The following AMOTL1 variants were observed in gnomAD, a reference collection of about 807,000 sequenced individuals.
AMOTL1 encodes the protein angiomotin like 1.
AMOTL1 carries 45 observed loss-of-function variants against 102.9 expected under a neutral mutation model. That is an observed-to-expected ratio of 0.44 (90% CI 0.34 to 0.56). AMOTL1 has a LOEUF of 0.56. AMOTL1 is among the 20% of genes least tolerant of loss of function. The pLI, the probability that AMOTL1 is intolerant of heterozygous loss-of-function variation, is 0.01. For missense variants in AMOTL1, 1,114 were observed against 1,225.6 expected, an observed-to-expected ratio of 0.91 and a Z score of 1.36; for synonymous variants, 481 against 484.7, an observed-to-expected ratio of 0.99 and a Z score of 0.10.
intron 2 of AMOTL1, chr11:94,729,122 C>A (rs1555057539): frequency 8.8e-7 from 1 of 1,140,644 alleles, no homozygotes; most frequent in Admixed American, 2.3e-5. Context: ...TTATGTCAAT[C>A]CACTGTACTC....
intron 6 of AMOTL1, among the ~76,000 whole-genome samples, chr11:94,842,818 T>C (rs1346996189): frequency 4.6e-5 from 7 of 152,194 alleles, no homozygotes; most frequent in African/African-American, 1.7e-4. Context: ...GGCCCCAATG[T>C]CCCTTCTCTC....
chr11:94,723,509 T>C lies in AMOTL1; in HGVS notation c.-50-5412T>C, dbSNP rs371736494. On this transcript the variant is annotated intron_variant, in intron 1 of 4. Transcript: ENST00000299004. Reference sequence around the variant, plus strand: ...GAGAGAAGATAGCACAAATTATTTATTGGAATATTTAAAATATTAACATCA... The same window carrying C: ...GAGAGAAGATAGCACAAATTATTTACTGGAATATTTAAAATATTAACATCA... Among the ~76,000 whole-genome samples the C allele has an allele frequency of 5.3e-5, 8 of 152,272 alleles. No individual in the cohort carries two copies. In the East Asian group the frequency reaches 1.5e-3, roughly 29 times the overall value.
At chr11:94,736,073 G>A (rs1279868149) in intron 2 of AMOTL1, among the ~76,000 whole-genome samples, 3 of 151,916 alleles carry the variant, frequency 2.0e-5, no homozygotes, top group Non-Finnish European at 4.4e-5. Flanking sequence ...CCACCTTGTC[G>A]TTTCCTCCCC....
intron 3 of AMOTL1, among the ~76,000 whole-genome samples, chr11:94,753,678 C>T (rs1297112334): frequency 6.6e-6 from 1 of 152,208 alleles, no homozygotes; most frequent in African/African-American, 2.4e-5. Flanking sequence ...CCCTGTTCTT[C>T]TCTATTGCTA....
At chr11:94,750,616 C>T (rs569338066) in intron 3 of AMOTL1, among the ~76,000 whole-genome samples, 8 of 152,294 alleles carry the variant, frequency 5.3e-5, no homozygotes, top group Admixed American at 5.2e-4. Flanking sequence ...TGCCTTGCTC[C>T]CGTGATGTAC....
At chr11:94,842,896 A>C (rs1026980255) in intron 6 of AMOTL1, among the ~76,000 whole-genome samples, 83 of 152,014 alleles carry the variant, frequency 5.5e-4, no homozygotes, top group African/African-American at 2.0e-3. Flanking sequence ...TCCCCTTCTT[A>C]ATTTTCCTTA....
At chr11:94,820,798 C>G (rs1951850598) in intron 3 of AMOTL1, among the ~76,000 whole-genome samples, 2 of 152,094 alleles carry the variant, frequency 1.3e-5, no homozygotes, top group Admixed American at 1.3e-4. Context: ...TCATAAGGAA[C>G]AAACAACCTA....
chr11:94,718,934 G>A (rs35426647), intron 1 of AMOTL1, among the ~76,000 whole-genome samples: 5,364 of 151,684 alleles, frequency 0.035, 137 homozygotes, highest in East Asian at 0.1. Context: ...TAGATTTTAT[G>A]TATTATTTAG....
chr11:94,709,522 C>A (rs1049303516), intron 1 of AMOTL1, among the ~76,000 whole-genome samples: 1 of 152,148 alleles, frequency 6.6e-6, no homozygotes, highest in African/African-American at 2.4e-5. Context: ...CCCATGACTG[C>A]CAATTACTCT....
At chr11:94,708,129 G>C (rs746900238) in intron 1 of AMOTL1, among the ~76,000 whole-genome samples, 4 of 152,074 alleles carry the variant, frequency 2.6e-5, no homozygotes, top group Non-Finnish European at 4.4e-5. Flanking sequence ...CGCTTTGCCT[G>C]AGTTATTGCA....
intron 3 of AMOTL1, among the ~76,000 whole-genome samples, chr11:94,815,262 C>T (rs1203312414): frequency 2.6e-5 from 4 of 151,894 alleles, no homozygotes; most frequent in Non-Finnish European, 4.4e-5. Context: ...AGAAAATTAT[C>T]TTTTTTTATG....
intron 1 of AMOTL1, among the ~76,000 whole-genome samples, chr11:94,779,669 C>CACAGAATAGG (rs1951079054): frequency 6.6e-6 from 1 of 152,066 alleles, no homozygotes; most frequent in Non-Finnish European, 1.5e-5. Flanking sequence ...GATCAACACC[C>CACAGAATAGG]ACAGAATAGG....
chr11:94,842,224 C>T (rs893353183), intron 6 of AMOTL1, among the ~76,000 whole-genome samples: 8 of 152,126 alleles, frequency 5.3e-5, no homozygotes, highest in African/African-American at 1.7e-4. Flanking sequence ...TAAGACACGT[C>T]GGTTATCTTA....
At chr11:94,867,263 A>G (rs1392619300) in intron 11 of AMOTL1, among the ~76,000 whole-genome samples, 1 of 152,168 alleles carries the variant, frequency 6.6e-6, no homozygotes, top group Non-Finnish European at 1.5e-5. Context: ...AAGGAAATGC[A>G]CTTCAAAGAA....
intron 1 of AMOTL1, among the ~76,000 whole-genome samples, chr11:94,725,064 A>G (rs939665699): frequency 8.5e-5 from 13 of 152,166 alleles, no homozygotes; most frequent in Non-Finnish European, 1.8e-4. Context: ...AAATGGCCCT[A>G]GAAGTGGTGG....
chr11:94,828,006 G>A (rs1405459451), intron 4 of AMOTL1, among the ~76,000 whole-genome samples: 3 of 152,036 alleles, frequency 2.0e-5, no homozygotes, highest in Non-Finnish European at 2.9e-5. Flanking sequence ...TCATCTGTAC[G>A]TTGAGGACAC....
At chr11:94,810,680 G>T (rs1169081278) in intron 3 of AMOTL1, among the ~76,000 whole-genome samples, 1 of 151,862 alleles carries the variant, frequency 6.6e-6, no homozygotes, top group African/African-American at 2.4e-5. Context: ...TGGGCTATTA[G>T]AAACTATTTC....
In AMOTL1 at chr11:94,821,709, C is replaced by A. The variant is rs762744034; in HGVS notation, c.1301C>A (p.Ala434Asp). The A allele has an allele frequency of 5.0e-6, 8 of 1,614,034 alleles. No homozygotes were observed. The Admixed American group carries it at 1.3e-4, about 27-fold the overall frequency. The stretch of plus-strand genomic sequence containing the variant: ...CCCAGCCAGCAGCTTGGTCCAGATG[C>A]CTTTGCGATTGTGGAGCGAGCCCAG... ...ASPSQQLGPD[A>D]FAIVERAQQM... is the part of the protein sequence containing the mutation. The change falls in exon 4 of 13, where the codon GCC becomes GAC. Residue 434 changes from alanine to aspartate, a missense_variant. By Grantham distance (126) the Ala-to-Asp change is moderately radical. Transcript: ENST00000433060.
intron 1 of AMOTL1, among the ~76,000 whole-genome samples, chr11:94,787,245 T>C (rs1951204770): frequency 6.6e-6 from 1 of 152,074 alleles, no homozygotes; most frequent in South Asian, 2.1e-4. Context: ...GCATTTAGTA[T>C]GTGCCAAAGT....
Sources: gnomAD v4.1 joint callset for allele counts (sites outside exome capture counted in the v4.1 genomes callset) on GRCh38, gnomAD v4.1.1 for gene constraint, MANE v1.5 for transcripts, NCBI Gene and HGNC (gene_info 2026-07-23, HGNC 2026-07-21) for gene names.